The following UPB1 variants were observed in gnomAD, a reference collection of about 807,000 sequenced individuals.
UPB1 encodes beta-ureidopropionase.
In UPB1, 40 loss-of-function variants were observed where a neutral mutation model predicts 49.1. The observed-to-expected ratio is 0.81, with a 90% CI of 0.63 to 1.06. The LOEUF is 1.06. Ranked by LOEUF, UPB1 falls within the 50% of genes least tolerant of loss-of-function variation. The pLI is 0.00. For synonymous variants in UPB1, 207 were observed against 198.2 expected, an observed-to-expected ratio of 1.04 and a Z score of -0.38; for missense variants, 499 against 505.9, an observed-to-expected ratio of 0.99 and a Z score of 0.13.
intron 8 of UPB1, 101 bp from the exon 9 acceptor site, chr22:24,523,518 T>C: frequency 3.9e-6 from 6 of 1,548,276 alleles, no homozygotes; most frequent in African/African-American, 1.4e-5. Flanking sequence ...GAGGATGGCA[T>C]GGACTCCGTG....
chr22:24,508,914 G>A (rs1205896308), intron 3 of UPB1, among the ~76,000 whole-genome samples: 1 of 151,620 alleles, frequency 6.6e-6, no homozygotes, highest in African/African-American at 2.4e-5. Flanking sequence ...AAATGCACTT[G>A]GGTTATTGTG....
rs907753419 is a variant in UPB1, at chr22:24,521,339, C to T, written c.874-647C>T. Among the ~76,000 whole-genome samples, 20 of 151,898 alleles carry T rather than the reference C, an allele frequency of 1.3e-4. No individual in the cohort carries two copies. In the South Asian group the frequency reaches 3.1e-3, roughly 24 times the overall value. On this transcript the variant is annotated intron_variant, in intron 7 of 9. Coordinates refer to ENST00000326010, the MANE Select transcript of UPB1 (RefSeq NM_016327.3). Reference sequence around the variant, plus strand: ...TCTACTGAAAATACAAAAAATTAGCCGGGCGCGGTGGTAGGCGCCTGTAAT... The same window carrying T: ...TCTACTGAAAATACAAAAAATTAGCTGGGCGCGGTGGTAGGCGCCTGTAAT...
rs202214232 is a variant in UPB1, at chr22:24,513,462, C to G, written c.598C>G (p.Pro200Ala). The change falls in exon 5 of 10, where the codon CCC (proline) becomes GCC (alanine). Residue 200 changes from proline (P) to alanine (A), a missense_variant. Pro to Ala is a conservative substitution (Grantham distance 27, BLOSUM62 -1). Transcript: ENST00000326010. ...GGGAAAGACCAGGAAAAACCACATCCCCAGAGTGGGTGATTTCAACGAGGT... is the reference window on the plus strand; with the variant it reads ...GGGAAAGACCAGGAAAAACCACATCGCCAGAGTGGGTGATTTCAACGAGGT... Reference protein sequence around the residue: ...VLGKTRKNHIPRVGDFNESTY... With the variant: ...VLGKTRKNHIARVGDFNESTY... The G allele has an allele frequency of 1.9e-6, 3 of 1,614,108 alleles. No individual in the cohort carries two copies. Among genetic ancestry groups the G allele is most frequent in the South Asian group, 1.1e-5 (1 of 91,066 alleles).
intron 5 of UPB1, among the ~76,000 whole-genome samples, chr22:24,514,024 A>G (rs1057060992): frequency 6.6e-6 from 1 of 152,172 alleles, no homozygotes; most frequent in Non-Finnish European, 1.5e-5. Context: ...TGATCAGGGC[A>G]TAAGTTGGGG....
Position 24,502,151 on chromosome 22 carries a change from A to G in UPB1, c.302A>G (p.Lys101Arg). 6.2e-7 allele frequency: 1 copy of G among 1,614,198 alleles called. No homozygotes were observed. Among genetic ancestry groups the G allele is most frequent in the Non-Finnish European group, 8.5e-7 (1 of 1,180,034 alleles). ...GTCTCTGCCCTTCATAGACGCATAAAGGCTATCGTAGAGGTGGCTGCAATG... is the reference window on the plus strand; with the variant it reads ...GTCTCTGCCCTTCATAGACGCATAAGGGCTATCGTAGAGGTGGCTGCAATG... ...EQVSALHRRI[K>R]AIVEVAAMCG... The change falls in exon 3 of 10, where the codon AAG becomes AGG. Residue 101 changes from lysine (K) to arginine (R), a missense_variant. Physicochemically the swap from Lys to Arg is conservative, Grantham distance 26 (BLOSUM62 2). Transcript: ENST00000326010.
At chr22:24,515,477 G>C in intron 6 of UPB1, 107 bp downstream of exon 6, 1 of 1,466,560 alleles carries the variant, frequency 6.8e-7, no homozygotes, top group Non-Finnish European at 9.5e-7. Context: ...CAGCCACCAG[G>C]ATGTTAACAG....
chr22:24,525,931 A>G lies in UPB1; in HGVS notation c.*137A>G. 9.2e-7 allele frequency: 1 copy of G among 1,086,194 alleles called. No individual in the cohort carries two copies. The highest frequency in any genetic ancestry group is 1.4e-6 in the Non-Finnish European group (1 of 721,020). The allele number at this position is 1,086,194 out of a possible 1,614,324, so 67.3% of individuals were successfully genotyped here. A position where few individuals can be genotyped will look rare whatever the true frequency, so the allele number is the denominator to read the frequency against. On this transcript the variant is annotated 3_prime_UTR_variant, in exon 10 of 10. Coordinates refer to ENST00000326010, the MANE Select transcript of UPB1 (RefSeq NM_016327.3). Reference sequence around the variant, plus strand: ...TTTTAAAATTCCCAGGCAGGGGGAGAGTGGCATGGGGAGTGACTTCTTAAT... The same window carrying G: ...TTTTAAAATTCCCAGGCAGGGGGAGGGTGGCATGGGGAGTGACTTCTTAAT...
intron 1 of UPB1, among the ~76,000 whole-genome samples, chr22:24,499,303 A>G (rs1358856980): frequency 3.3e-5 from 5 of 152,166 alleles, no homozygotes; most frequent in Non-Finnish European, 5.9e-5. Flanking sequence ...TGAGTATTTC[A>G]TAATCATCTT....
At chr22:24,523,185 T>C (rs1290593587) in intron 8 of UPB1, among the ~76,000 whole-genome samples, 1 of 151,950 alleles carries the variant, frequency 6.6e-6, no homozygotes, top group Non-Finnish European at 1.5e-5. Flanking sequence ...TCCTTACACA[T>C]GTGTGGGGTG....
At chr22:24,498,971 C>T (rs1184971729) in intron 1 of UPB1, among the ~76,000 whole-genome samples, 3 of 152,136 alleles carry the variant, frequency 2.0e-5, no homozygotes, top group South Asian at 2.1e-4. Flanking sequence ...CCTGCAGGAG[C>T]GCCCTTCCGC....
chr22:24,495,364 G>T lies in UPB1; in HGVS notation c.-40G>T, dbSNP rs1183457118. On this transcript the variant is annotated 5_prime_UTR_variant, in exon 1 of 10. Coordinates refer to ENST00000326010, the MANE Select transcript of UPB1 (RefSeq NM_016327.3). ...TCCTCCCACTGCGGGCAAAGGGCAGGCAGTTCGTGCGCGGACACAAGCACT... is the reference window on the plus strand; with the variant it reads ...TCCTCCCACTGCGGGCAAAGGGCAGTCAGTTCGTGCGCGGACACAAGCACT... 1 of 1,606,036 alleles carries T rather than the reference G, an allele frequency of 6.2e-7. No individual in the cohort carries two copies. The highest frequency in any genetic ancestry group is 1.3e-5 in the African/African-American group (1 of 74,878).
chr22:24,510,906 C>T (rs1184806091), intron 4 of UPB1, 63 bp downstream of exon 4: 3 of 1,552,856 alleles, frequency 1.9e-6, no homozygotes, highest in African/African-American at 1.4e-5. Flanking sequence ...AGAGCATGAC[C>T]ACAGCTGCCG....
intron 3 of UPB1, among the ~76,000 whole-genome samples, chr22:24,506,864 G>A (rs1453889102): frequency 2.0e-5 from 3 of 152,148 alleles, no homozygotes; most frequent in South Asian, 2.1e-4. Flanking sequence ...ATTTATCAAA[G>A]TCTAGCACAG....
At chr22:24,510,161 A>T (rs1568987315) in intron 3 of UPB1, among the ~76,000 whole-genome samples, 1 of 148,774 alleles carries the variant, frequency 6.7e-6, no homozygotes, top group Non-Finnish European at 1.5e-5. Context: ...TGAACCTGGG[A>T]GGGGGAGGTT....
Position 24,495,497 on chromosome 22 carries a change from A to G in UPB1, c.94A>G (p.Lys32Glu), listed in dbSNP as rs768234318. The change falls in exon 1 of 10, where the codon AAG becomes GAG. Residue 32 changes from lysine to glutamate, a missense_variant. Lys to Glu is a moderately conservative substitution (Grantham distance 56). Transcript: ENST00000326010. ...GGAAGTGAAGCGCGTTCTCTATGGC[A>G]AGGAACTCAGGTCCGCAGCCAAGAG... ...LQEVKRVLYGKELRKLDLPRE... is the reference protein window; with the variant it reads ...LQEVKRVLYGEELRKLDLPRE... The G allele has an allele frequency of 6.2e-7, 1 of 1,614,058 alleles. No homozygotes were observed. Among genetic ancestry groups the G allele is most frequent in the Non-Finnish European group, 8.5e-7 (1 of 1,180,020 alleles).
At chr22:24,503,705 A>G (rs1349036737) in intron 3 of UPB1, 2 of 152,248 alleles carry the variant, frequency 1.3e-5, no homozygotes, top group Non-Finnish European at 2.9e-5. Context: ...AGGTGACCAC[A>G]TCTTAGTCAT....
chr22:24,499,967 T>G, intron 1 of UPB1, 140 bp from the exon 2 acceptor site: 1 of 1,278,310 alleles, frequency 7.8e-7, no homozygotes, highest in East Asian at 2.4e-5. Context: ...CCAGCTCCCT[T>G]GGGCCCTGGC....
rs967204167 is a variant in UPB1, at chr22:24,522,196, G to A, written c.916+168G>A. Reference sequence around the variant, plus strand: ...CTTTATTGCCTGCAGTGTGGGAATCGGGCTGTGGCTGGGGTGTGGATAGGC... The same window carrying A: ...CTTTATTGCCTGCAGTGTGGGAATCAGGCTGTGGCTGGGGTGTGGATAGGC... On this transcript the variant is annotated intron_variant, in intron 8 of 9. Transcript: ENST00000326010. Among the ~76,000 whole-genome samples, 8 of 152,118 alleles carry A rather than the reference G, an allele frequency of 5.3e-5. No homozygotes were observed. The South Asian group carries it at 6.2e-4, about 12-fold the overall frequency.
intron 3 of UPB1, among the ~76,000 whole-genome samples, chr22:24,509,937 A>G (rs1020120891): frequency 3.2e-4 from 48 of 152,274 alleles, no homozygotes; most frequent in African/African-American, 1.2e-3. Context: ...GTCATTAAGA[A>G]TTTGACTACT....
Sources: allele counts gnomAD v4.1 joint callset (sites outside exome capture counted in the v4.1 genomes callset), GRCh38; gene constraint gnomAD v4.1.1; transcripts MANE v1.5; gene names NCBI Gene and HGNC (gene_info 2026-07-23, HGNC 2026-07-21).